The following SCARA5 variants were observed in gnomAD, a reference collection of about 807,000 sequenced individuals.
SCARA5 encodes the protein scavenger receptor class A, member 5 (putative).
Under a neutral mutation model 46.3 loss-of-function variants are expected in SCARA5, and 45 were observed. That is an observed-to-expected ratio of 0.97 (90% CI 0.76 to 1.24). The LOEUF (loss-of-function observed/expected upper bound fraction) is 1.24. SCARA5 is among the 50% of genes most tolerant of loss of function. SCARA5 has a pLI of 0.00. For missense variants in SCARA5, 680 were observed against 689.0 expected (o/e 0.99, Z 0.15); for synonymous variants, 333 against 306.5 (o/e 1.09, Z -0.90).
intron 3 of SCARA5, among the ~76,000 whole-genome samples, chr8:27,958,640 T>C (rs1267717151): frequency 3.3e-5 from 5 of 152,200 alleles, no homozygotes; most frequent in African/African-American, 1.2e-4. Context: ...TTGTTAAAAA[T>C]AAATGACAGA....
At chr8:27,989,459 C>T (rs1235059034) in intron 1 of SCARA5, among the ~76,000 whole-genome samples, 2 of 152,128 alleles carry the variant, frequency 1.3e-5, no homozygotes, top group Non-Finnish European at 2.9e-5. Context: ...TGAGCTTGGC[C>T]TCCACAGACC....
intron 7 of SCARA5, among the ~76,000 whole-genome samples, chr8:27,901,720 C>T (rs528113540): frequency 3.3e-5 from 5 of 152,152 alleles, no homozygotes; most frequent in Non-Finnish European, 7.4e-5. Context: ...AGCCCTGAAT[C>T]GTGACAACTA....
At chr8:27,934,531 C>T (rs1807825366) in intron 3 of SCARA5, among the ~76,000 whole-genome samples, 1 of 152,184 alleles carries the variant, frequency 6.6e-6, no homozygotes, top group South Asian at 2.1e-4. Context: ...AGCCCTGTCT[C>T]AATACTTGTC....
intron 3 of SCARA5, among the ~76,000 whole-genome samples, chr8:27,962,794 T>C (rs945046187): frequency 6.6e-6 from 1 of 152,236 alleles, no homozygotes; most frequent in Non-Finnish European, 1.5e-5. Context: ...GGTGTATGTA[T>C]TCATGATTTT....
At chr8:27,923,412 A>G (rs972122951) in intron 3 of SCARA5, among the ~76,000 whole-genome samples, 1 of 152,228 alleles carries the variant, frequency 6.6e-6, no homozygotes, top group African/African-American at 2.4e-5. Flanking sequence ...GAAATTATCA[A>G]GCTTTCCATT....
At chr8:27,891,201 T>G (rs1806975320) in intron 7 of SCARA5, among the ~76,000 whole-genome samples, 1 of 49,522 alleles carries the variant, frequency 2.0e-5, no homozygotes, top group South Asian at 9.2e-4. Context: ...ATAGGTTTGT[T>G]TTTTTTTTGT....
intron 4 of SCARA5, among the ~76,000 whole-genome samples, chr8:27,917,053 G>C (rs749529370): frequency 2.6e-5 from 4 of 152,116 alleles, no homozygotes; most frequent in Non-Finnish European, 4.4e-5. Context: ...AGCTGGTCCC[G>C]AACAGGGCCC....
At chr8:27,967,465 G>C (rs2726937) in intron 2 of SCARA5, among the ~76,000 whole-genome samples, 81,451 of 151,636 alleles carry the variant, frequency 0.54, 22,061 homozygotes, top group South Asian at 0.66. Flanking sequence ...TGGAAAGAAG[G>C]GATCCTCTCC....
intron 1 of SCARA5, among the ~76,000 whole-genome samples, chr8:27,989,542 G>A (rs186705988): frequency 6.6e-6 from 1 of 152,150 alleles, no homozygotes. Flanking sequence ...GACCCAGGAG[G>A]GCTGGACGCC....
At chr8:27,936,591 T>TGAAAAAAAAAAAAAAAA in intron 3 of SCARA5, among the ~76,000 whole-genome samples, 3 of 2,870 alleles carry the variant, frequency 1.0e-3, no homozygotes, top group East Asian at 0.071. Context: ...TGTGTCTCCA[T>TGAAAAAAAAAAAAAAAA]TAAAAAAAAA....
chr8:27,907,572 C>CTTTTTTTTTTTTTTT lies in SCARA5; in HGVS notation c.998-341_998-327dup, dbSNP rs144977060. On this transcript the variant is annotated intron_variant, in intron 5 of 8. Coordinates refer to ENST00000354914, the MANE Select transcript of SCARA5 (RefSeq NM_173833.6). Reference sequence around the variant, plus strand: ...GCTGGAGACTTAGAATCAGCAAACACTTTTTTTTTTTTTTTTTTTTGAGAC... The same window carrying CTTTTTTTTTTTTTTT: ...GCTGGAGACTTAGAATCAGCAAACACTTTTTTTTTTTTTTTTTTTTTTTTTTTTTTTTTTTGAGAC... Among the ~76,000 whole-genome samples the CTTTTTTTTTTTTTTT allele has an allele frequency of 3.7e-4, 36 of 97,270 alleles. 2 individuals carry two copies. The highest frequency in any genetic ancestry group is 7.5e-4 in the African/African-American group (19 of 25,470). 63.8% of individuals were successfully genotyped at this position (97,270 alleles called of 152,430 possible).
At chr8:27,971,793 CG>C (rs1443143362) in intron 2 of SCARA5, among the ~76,000 whole-genome samples, 1 of 151,912 alleles carries the variant, frequency 6.6e-6, no homozygotes, top group Non-Finnish European at 1.5e-5. Flanking sequence ...TTGTTCATCT[CG>C]GTGTGGAGCA....
At position 27,916,662 on chromosome 8, in the gene SCARA5, A is replaced by G. The variant is rs1807466249; in HGVS notation, c.916+4909T>C. Among the ~76,000 whole-genome samples, 3 of 152,210 alleles carry G rather than the reference A, an allele frequency of 2.0e-5. No homozygotes were observed. The South Asian group carries it at 6.2e-4, about 31-fold the overall frequency. ...TAGAGTTTGGTCCTGTTAAGGCTGC[A>G]TGGTAAATACGTTCAGATATACCAG... is the stretch of plus-strand genomic sequence containing the variant. On this transcript the variant is annotated intron_variant, in intron 4 of 8. Transcript: ENST00000354914.
At chr8:27,975,859 C>A (rs1036570472) in intron 2 of SCARA5, among the ~76,000 whole-genome samples, 8 of 152,092 alleles carry the variant, frequency 5.3e-5, no homozygotes, top group Non-Finnish European at 1.2e-4. Context: ...GCCTTTCACA[C>A]CCACTTCTAA....
chr8:27,892,605 C>CTTTTTTTTTTTTTTTTTTTTTTTTTTTT (rs1224026831), intron 7 of SCARA5, among the ~76,000 whole-genome samples: 1 of 119,788 alleles, frequency 8.3e-6, no homozygotes. Context: ...CATACCTCAC[C>CTTTTTTTTTTTTTTTTTTTTTTTTTTTT]CTTTTTTTTT....
At position 27,921,632 on chromosome 8, in the gene SCARA5, C is replaced by A; in HGVS notation, c.855G>T (p.Glu285Asp). 1 of 1,602,194 alleles carries A rather than the reference C, an allele frequency of 6.2e-7. No individual in the cohort carries two copies. Among genetic ancestry groups the A allele is most frequent in the South Asian group, 1.1e-5 (1 of 89,268 alleles). Residue 285 changes from glutamate (E) to aspartate (D), a missense_variant, in exon 4 of 9, where the codon GAG (glutamate) becomes GAT (aspartate). Glu to Asp is a conservative substitution (Grantham distance 45, BLOSUM62 2). Transcript: ENST00000354914. ...GCTCCCAGTCCTTGAGGCGCAGGTC[C>A]TCGGTGACCGCGTTGAGCATGGCCA... ...QELAMLNAVT[E>D]DLRLKDWEHS...
chr8:27,955,045 C>T (rs942751487), intron 3 of SCARA5, among the ~76,000 whole-genome samples: 17 of 152,342 alleles, frequency 1.1e-4, no homozygotes, highest in African/African-American at 4.1e-4. Flanking sequence ...GGATCCACCA[C>T]TTCCCACCCT....
chr8:27,984,676 C>T (rs1265192381), intron 2 of SCARA5, among the ~76,000 whole-genome samples: 3 of 151,872 alleles, frequency 2.0e-5, no homozygotes, highest in South Asian at 2.1e-4. Context: ...ATTCACCCAT[C>T]CATCCATGCA....
intron 7 of SCARA5, among the ~76,000 whole-genome samples, chr8:27,891,950 G>C (rs542106214): frequency 5.9e-5 from 9 of 152,326 alleles, no homozygotes; most frequent in African/African-American, 1.9e-4. Flanking sequence ...GATGTGGTTA[G>C]AGCGTGGCTC....
Sources: gnomAD v4.1 joint callset for allele counts (sites outside exome capture counted in the v4.1 genomes callset) on GRCh38, gnomAD v4.1.1 for gene constraint, MANE v1.5 for transcripts, NCBI Gene and HGNC (gene_info 2026-07-23, HGNC 2026-07-21) for gene names.